Variants in GRID1 observed in about 807,000 individuals in gnomAD.
GRID1 encodes the protein glutamate ionotropic receptor delta type subunit 1.
In GRID1, 28 loss-of-function variants were observed where a neutral mutation model predicts 98.0. That is an observed-to-expected ratio of 0.29 (90% CI 0.21 to 0.39). GRID1 has a LOEUF of 0.39. GRID1 is among the 10% of genes least tolerant of loss of function. The probability of loss-of-function intolerance (pLI) is 1.00; values close to 1 mark genes in which losing one functional copy is unlikely to be tolerated. For missense variants in GRID1, 1,111 were observed against 1,340.5 expected (o/e 0.83, Z 2.67); for synonymous variants, 553 against 538.5 (o/e 1.03, Z -0.37).
chr10:86,267,273 C>T (rs1847118250), intron 2 of GRID1, among the ~76,000 whole-genome samples: 3 of 152,218 alleles, frequency 2.0e-5, no homozygotes, highest in African/African-American at 7.2e-5. Flanking sequence ...CATCAATGGG[C>T]AGAGCCACAT....
At position 86,225,636 on chromosome 10, in the gene GRID1, G is replaced by A. The variant is rs547559801; in HGVS notation, c.236-18988C>T. 6.6e-5 allele frequency among the ~76,000 whole-genome samples: 10 copies of A among 152,270 alleles called. No individual in the cohort carries two copies. The South Asian group carries it at 2.1e-3, about 32-fold the overall frequency. ...AGCATCTGCCAGACACCCTGCCCTGGAGGGGGACCAAGAAGGCCCATGGGC... is the reference window on the plus strand; with the variant it reads ...AGCATCTGCCAGACACCCTGCCCTGAAGGGGGACCAAGAAGGCCCATGGGC... On this transcript the variant is annotated intron_variant, in intron 2 of 15. Coordinates refer to ENST00000327946, the MANE Select transcript of GRID1 (RefSeq NM_017551.3).
At chr10:85,921,392 A>G (rs1841701182) in intron 4 of GRID1, among the ~76,000 whole-genome samples, 1 of 152,202 alleles carries the variant, frequency 6.6e-6, no homozygotes, top group South Asian at 2.1e-4. Context: ...CGAGAGCAAC[A>G]GCCCCAATCT....
chr10:85,970,948 T>C (rs74396803), intron 4 of GRID1, among the ~76,000 whole-genome samples: 4,149 of 151,984 alleles, frequency 0.027, 124 homozygotes, highest in East Asian at 0.13. Flanking sequence ...TCCTAAGATA[T>C]TCACACAAAA....
intron 8 of GRID1, among the ~76,000 whole-genome samples, chr10:85,791,065 G>A (rs1240525681): frequency 6.6e-6 from 1 of 152,180 alleles, no homozygotes; most frequent in African/African-American, 2.4e-5. Flanking sequence ...GCCACCCATG[G>A]TGACAGAAGC....
intron 2 of GRID1, among the ~76,000 whole-genome samples, chr10:86,219,685 T>C (rs1846225923): frequency 6.6e-6 from 1 of 152,190 alleles, no homozygotes; most frequent in Admixed American, 6.5e-5. Context: ...GGTTCCCCCA[T>C]CCCAGGTCCT....
chr10:85,805,080 T>C (rs1842611657), intron 8 of GRID1, among the ~76,000 whole-genome samples: 1 of 151,288 alleles, frequency 6.6e-6, no homozygotes, highest in African/African-American at 2.4e-5. Flanking sequence ...ATAAGAAAAA[T>C]ATACTAGAAT....
chr10:85,767,807 A>G (rs2132706188), intron 8 of GRID1, among the ~76,000 whole-genome samples: 1 of 152,344 alleles, frequency 6.6e-6, no homozygotes, highest in South Asian at 2.1e-4. Context: ...GTCCTGATGC[A>G]GAATCATTTG....
At chr10:85,606,567 T>C (rs1842667700) in intron 15 of GRID1, 1 of 152,204 alleles carries the variant, frequency 6.6e-6, no homozygotes, top group Admixed American at 6.5e-5. Context: ...AATGTGTCCT[T>C]TAAGTCGCCT....
chr10:86,010,571 C>T (rs1480820206), intron 4 of GRID1, among the ~76,000 whole-genome samples: 3 of 152,026 alleles, frequency 2.0e-5, no homozygotes, highest in Non-Finnish European at 2.9e-5. Flanking sequence ...ATAATCCTAG[C>T]ACTTTGGGAG....
intron 4 of GRID1, among the ~76,000 whole-genome samples, chr10:86,018,262 C>T (rs1258087315): frequency 6.6e-6 from 1 of 152,166 alleles, no homozygotes; most frequent in Admixed American, 6.5e-5. Flanking sequence ...TGAGCCACAA[C>T]CAAACCCTGG....
chr10:86,038,374 A>G (rs563443123), intron 4 of GRID1, among the ~76,000 whole-genome samples: 3 of 152,368 alleles, frequency 2.0e-5, no homozygotes, highest in African/African-American at 7.2e-5. Context: ...TGAGACTCAG[A>G]TTGAAATCTT....
chr10:86,040,504 A>G (rs901490428), intron 4 of GRID1, among the ~76,000 whole-genome samples: 2 of 141,396 alleles, frequency 1.4e-5, no homozygotes, highest in Non-Finnish European at 1.5e-5. Flanking sequence ...GATCTCACTC[A>G]TATCTTAAAA....
chr10:86,029,185 CA>C (rs2131891590), intron 4 of GRID1, among the ~76,000 whole-genome samples: 2 of 152,322 alleles, frequency 1.3e-5, no homozygotes, highest in South Asian at 4.1e-4. Flanking sequence ...CACTTCCCCC[CA>C]AAACCCACTC....
chr10:86,200,021 C>G (rs1280517781), intron 3 of GRID1, among the ~76,000 whole-genome samples: 1 of 150,894 alleles, frequency 6.6e-6, no homozygotes, highest in Non-Finnish European at 1.5e-5. Context: ...CCAGTCTTAT[C>G]CCTAGCCAAT....
intron 3 of GRID1, among the ~76,000 whole-genome samples, chr10:86,173,509 T>A (rs1296429977): frequency 6.6e-6 from 1 of 152,186 alleles, no homozygotes; most frequent in African/African-American, 2.4e-5. Context: ...ATATAGCCAA[T>A]TGTTTGATAC....
At chr10:86,018,139 G>T (rs1843002828) in intron 4 of GRID1, among the ~76,000 whole-genome samples, 1 of 152,258 alleles carries the variant, frequency 6.6e-6, no homozygotes, top group African/African-American at 2.4e-5. Flanking sequence ...CAACAGGGCA[G>T]TCTGCTCGCC....
At chr10:86,191,135 C>T (rs1180789978) in intron 3 of GRID1, among the ~76,000 whole-genome samples, 1 of 152,160 alleles carries the variant, frequency 6.6e-6, no homozygotes, top group Non-Finnish European at 1.5e-5. Flanking sequence ...GTAAAGCAGG[C>T]TTTTCACCCT....
At chr10:86,359,311 G>T (rs887142734) in intron 2 of GRID1, among the ~76,000 whole-genome samples, 4 of 152,152 alleles carry the variant, frequency 2.6e-5, no homozygotes, top group African/African-American at 9.7e-5. Context: ...CTATAATTCT[G>T]AATGGAGCCA....
chr10:86,167,712 C>T (rs965924454), intron 3 of GRID1, among the ~76,000 whole-genome samples: 1 of 152,228 alleles, frequency 6.6e-6, no homozygotes. Context: ...ACTGCAGAGT[C>T]GGCCCTCCTC....
Sources: gnomAD v4.1 joint callset for allele counts (sites outside exome capture counted in the v4.1 genomes callset) on GRCh38, gnomAD v4.1.1 for gene constraint, MANE v1.5 for transcripts, NCBI Gene and HGNC (gene_info 2026-07-23, HGNC 2026-07-21) for gene names.